Variants in REDIC1 observed in about 807,000 individuals in gnomAD.
REDIC1 encodes regulator of DNA class I crossover intermediates 1, also known as HEI10 Interacting Protein 1.
chr12:39,728,231 G>A, the REDIC1 span, among the ~76,000 whole-genome samples: 12 of 152,198 alleles, frequency 7.9e-5, no homozygotes, highest in African/African-American at 4.8e-5. Context: ...GGTTTTTAAA[G>A]GGAATGCTTC....
At chr12:39,665,465 G>A in the REDIC1 span, among the ~76,000 whole-genome samples, 4 of 150,064 alleles carry the variant, frequency 2.7e-5, no homozygotes, top group Admixed American at 2.7e-4. Context: ...ATGCTGTTTT[G>A]TTTACTGTAG....
At chr12:39,789,724 T>A in the REDIC1 span, among the ~76,000 whole-genome samples, 5 of 152,152 alleles carry the variant, frequency 3.3e-5, no homozygotes, top group African/African-American at 1.2e-4. Flanking sequence ...TTTTTAAGTA[T>A]CCATTAACCT....
chr12:39,647,579 G>A, the REDIC1 span, among the ~76,000 whole-genome samples: 1 of 152,000 alleles, frequency 6.6e-6, no homozygotes, highest in African/African-American at 2.4e-5. Flanking sequence ...GAGTAGGGAA[G>A]GCAGAGGGAA....
the REDIC1 span, among the ~76,000 whole-genome samples, chr12:39,762,288 C>T: frequency 6.6e-6 from 1 of 152,030 alleles, no homozygotes; most frequent in Non-Finnish European, 1.5e-5. Context: ...ATGTCTGTAA[C>T]GAGTCCATCA....
At chr12:39,820,777 A>ATATATATAT in the REDIC1 span, among the ~76,000 whole-genome samples, 3 of 143,956 alleles carry the variant, frequency 2.1e-5, no homozygotes, top group South Asian at 2.3e-4. Context: ...ATATATATAT[A>ATATATATAT]AAGCAACATG....
chr12:39,649,534 C>T, the REDIC1 span, among the ~76,000 whole-genome samples: 1 of 145,806 alleles, frequency 6.9e-6, no homozygotes, highest in Non-Finnish European at 1.5e-5. Flanking sequence ...TGACTTTAGT[C>T]TATTTTTTTT....
the REDIC1 span, among the ~76,000 whole-genome samples, chr12:39,780,220 A>G: frequency 6.6e-6 from 1 of 152,358 alleles, no homozygotes; most frequent in African/African-American, 2.4e-5. Flanking sequence ...TTTTTTAAAT[A>G]TAGTGACTTC....
At chr12:39,896,005 T>C in the REDIC1 span, among the ~76,000 whole-genome samples, 2 of 148,304 alleles carry the variant, frequency 1.3e-5, no homozygotes, top group Non-Finnish European at 3.0e-5. Context: ...TGTGTATATA[T>C]ACATGTGTAT....
chr12:39,891,640 G>C, the REDIC1 span, among the ~76,000 whole-genome samples: 1 of 152,108 alleles, frequency 6.6e-6, no homozygotes, highest in Non-Finnish European at 1.5e-5. Context: ...TATTACTGCT[G>C]ACAATCCTTA....
At chr12:39,744,073 A>G in the REDIC1 span, among the ~76,000 whole-genome samples, 1 of 152,162 alleles carries the variant, frequency 6.6e-6, no homozygotes, top group African/African-American at 2.4e-5. Context: ...GAAAAATCAC[A>G]CATAAAAAAT....
chr12:39,712,282 ATACCTG>A, the REDIC1 span, among the ~76,000 whole-genome samples: 1 of 139,602 alleles, frequency 7.2e-6, no homozygotes, highest in Admixed American at 7.3e-5. Flanking sequence ...ACATGTATAT[ATACCTG>A]TATGTATATA....
chr12:39,866,714 C>G, the REDIC1 span, among the ~76,000 whole-genome samples: 6 of 152,138 alleles, frequency 3.9e-5, no homozygotes, highest in Non-Finnish European at 8.8e-5. Context: ...CTCCTGACCT[C>G]GTGATCCGCC....
chr12:39,726,382 A>T, the REDIC1 span, among the ~76,000 whole-genome samples: 1 of 151,966 alleles, frequency 6.6e-6, no homozygotes, highest in Admixed American at 6.6e-5. Context: ...CTCACAACTC[A>T]ACTCCCACTT....
chr12:39,723,296 C>T, the REDIC1 span, among the ~76,000 whole-genome samples: 1 of 151,984 alleles, frequency 6.6e-6, no homozygotes. Context: ...AACGAATTAC[C>T]AAATCTGAGG....
chr12:39,841,681 T>C, the REDIC1 span, among the ~76,000 whole-genome samples: 1 of 152,056 alleles, frequency 6.6e-6, no homozygotes, highest in East Asian at 1.9e-4. Context: ...ATATAATTTG[T>C]ATATAATCAA....
the REDIC1 span, among the ~76,000 whole-genome samples, chr12:39,822,104 G>A: frequency 1.6e-5 from 2 of 124,154 alleles, no homozygotes; most frequent in Non-Finnish European, 3.1e-5. Context: ...AGAGTGTGAT[G>A]TTCCCCTTCC....
the REDIC1 span, chr12:39,683,509 A>T: frequency 1.3e-6 from 2 of 1,497,258 alleles, no homozygotes; most frequent in Admixed American, 1.7e-5. Flanking sequence ...AAATCTGGGG[A>T]ATACAAATCA....
chr12:39,878,845 T>C, the REDIC1 span, among the ~76,000 whole-genome samples: 20 of 152,212 alleles, frequency 1.3e-4, no homozygotes, highest in African/African-American at 4.6e-4. Context: ...GCCAAGACTA[T>C]GGGAAAAAGT....
the REDIC1 span, among the ~76,000 whole-genome samples, chr12:39,711,090 A>G: frequency 2.6e-5 from 4 of 151,416 alleles, no homozygotes; most frequent in Non-Finnish European, 5.9e-5. Flanking sequence ...TATCATACTT[A>G]TGACTTTGCA....
Sources: allele counts gnomAD v4.1 joint callset (sites outside exome capture counted in the v4.1 genomes callset), GRCh38; gene constraint gnomAD v4.1.1; transcripts MANE v1.5; gene names NCBI Gene and HGNC (gene_info 2026-07-23, HGNC 2026-07-21).